The following RERE variants were observed in gnomAD, a reference collection of about 807,000 sequenced individuals.
RERE encodes arginine-glutamic acid dipeptide repeats protein.
RERE carries 40 observed loss-of-function variants against 146.1 expected under a neutral mutation model. The observed-to-expected ratio is 0.27, with a 90% CI of 0.21 to 0.36. RERE has a LOEUF of 0.36. Among genes scored for constraint, RERE ranks in the 10% least tolerant of loss-of-function variants. RERE has a pLI of 1.00. For synonymous variants in RERE, 1,003 were observed against 866.0 expected (o/e 1.16, Z -2.78); for missense variants, 1,933 against 2,138.7 (o/e 0.90, Z 1.90).
chr1:8,502,033 G>A (rs1645172264), intron 8 of RERE, among the ~76,000 whole-genome samples: 2 of 105,012 alleles, frequency 1.9e-5, no homozygotes, highest in African/African-American at 7.0e-5. Context: ...CGGGAGGGAG[G>A]TGGGGGGGGT....
chr1:8,656,685 C>T (rs1188321742), intron 1 of RERE, among the ~76,000 whole-genome samples: 3 of 152,164 alleles, frequency 2.0e-5, no homozygotes, highest in Non-Finnish European at 4.4e-5. Context: ...ACACTTCCTC[C>T]ACCTTACATG....
At chr1:8,674,906 G>C (rs1446801529) in intron 1 of RERE, among the ~76,000 whole-genome samples, 8 of 152,134 alleles carry the variant, frequency 5.3e-5, no homozygotes, top group Non-Finnish European at 8.8e-5. Flanking sequence ...TACACTACCA[G>C]AGAACATAAA....
At chr1:8,459,062 G>A (rs1238789318) in intron 11 of RERE, among the ~76,000 whole-genome samples, 1 of 152,130 alleles carries the variant, frequency 6.6e-6, no homozygotes, top group Non-Finnish European at 1.5e-5. Context: ...TTAATTTGCT[G>A]TCTCATTTCC....
intron 12 of RERE, among the ~76,000 whole-genome samples, chr1:8,395,078 T>A (rs1344302318): frequency 1.3e-5 from 2 of 152,214 alleles, no homozygotes; most frequent in African/African-American, 2.4e-5. Flanking sequence ...AACTTTCAGA[T>A]AAGGTGTCTA....
intron 8 of RERE, among the ~76,000 whole-genome samples, chr1:8,502,529 C>T (rs1331775481): frequency 2.9e-5 from 4 of 136,300 alleles, no homozygotes; most frequent in East Asian, 2.3e-4. Flanking sequence ...TCTGCCCGGC[C>T]GCCCCTACTG....
At chr1:8,639,857 A>G (rs1647153605) in intron 2 of RERE, among the ~76,000 whole-genome samples, 1 of 152,228 alleles carries the variant, frequency 6.6e-6, no homozygotes, top group Non-Finnish European at 1.5e-5. Flanking sequence ...TTATAATACC[A>G]GCACAATGGG....
At chr1:8,445,049 TATC>T (rs751858603) in intron 11 of RERE, among the ~76,000 whole-genome samples, 34 of 152,230 alleles carry the variant, frequency 2.2e-4, no homozygotes, top group Non-Finnish European at 4.3e-4. Context: ...GTTACATCCT[TATC>T]ATAAAAAAAG....
At chr1:8,414,935 C>T (rs772571370) in intron 12 of RERE, among the ~76,000 whole-genome samples, 5 of 152,132 alleles carry the variant, frequency 3.3e-5, no homozygotes, top group Non-Finnish European at 7.4e-5. Flanking sequence ...CTTTGCTTTA[C>T]TTTTCAAAAC....
intron 3 of RERE, among the ~76,000 whole-genome samples, chr1:8,622,283 C>T (rs1358009678): frequency 6.6e-6 from 1 of 151,990 alleles, no homozygotes; most frequent in Non-Finnish European, 1.5e-5. Flanking sequence ...AAAGGGGGCT[C>T]AAGATCTAAT....
intron 4 of RERE, among the ~76,000 whole-genome samples, chr1:8,558,464 G>A (rs1231766736): frequency 6.6e-6 from 1 of 152,190 alleles, no homozygotes; most frequent in Non-Finnish European, 1.5e-5. Flanking sequence ...CAAGGTGAAT[G>A]CAGTATCATG....
intron 7 of RERE, among the ~76,000 whole-genome samples, chr1:8,510,905 A>G (rs187305277): frequency 1.3e-5 from 2 of 152,272 alleles, no homozygotes; most frequent in East Asian, 3.9e-4. Flanking sequence ...TAATTCCAGA[A>G]AAAACATTCC....
At chr1:8,380,709 A>C (rs542409212) in intron 12 of RERE, 1 of 377,914 alleles carries the variant, frequency 2.6e-6, no homozygotes, top group Admixed American at 3.6e-5. Context: ...ACTTTTCAAC[A>C]CAAGTCAAAA....
chr1:8,423,771 G>C lies in RERE; in HGVS notation c.1204-964C>G. ...GCGCGGGGCTGGGGCCGCCGCTGAC[G>C]GGGGAGGAGGCAGGAGCGCGGCGCG... On this transcript the variant is annotated intron_variant, in intron 11 of 22. Coordinates refer to ENST00000400908, the MANE Select transcript of RERE (RefSeq NM_001042681.2). This position sits in a 1 kb window ranked among gnomAD's most constrained non-coding sequence, Gnocchi z 5.4. 2 of 824,158 alleles carry C rather than the reference G, an allele frequency of 2.4e-6. No homozygotes were observed. The highest frequency in any genetic ancestry group is 5.5e-5 in the South Asian group (1 of 18,270). 51.1% of individuals were successfully genotyped at this position (824,158 alleles called of 1,614,324 possible).
At chr1:8,529,936 G>C (rs1443431615) in intron 7 of RERE, among the ~76,000 whole-genome samples, 1 of 152,152 alleles carries the variant, frequency 6.6e-6, no homozygotes, top group African/African-American at 2.4e-5. Context: ...CAGTGCTTAA[G>C]GGCATCCCAG....
intron 2 of RERE, among the ~76,000 whole-genome samples, chr1:8,652,205 A>G (rs974338154): frequency 4.6e-5 from 7 of 152,090 alleles, no homozygotes; most frequent in African/African-American, 1.4e-4. Flanking sequence ...CACTCAAGCA[A>G]AAGGGTGCCT....
At chr1:8,732,653 G>T (rs1247312511) in intron 1 of RERE, among the ~76,000 whole-genome samples, 1 of 152,044 alleles carries the variant, frequency 6.6e-6, no homozygotes, top group African/African-American at 2.4e-5. Context: ...TTAAACTGTA[G>T]ACTTCAGTTA....
chr1:8,458,209 C>T (rs1482638868), intron 11 of RERE, among the ~76,000 whole-genome samples: 1 of 152,106 alleles, frequency 6.6e-6, no homozygotes, highest in Non-Finnish European at 1.5e-5. Context: ...AGAACAAATG[C>T]AATCTCTCAA....
At chr1:8,468,050 A>G (rs1313638110) in intron 10 of RERE, among the ~76,000 whole-genome samples, 2 of 152,330 alleles carry the variant, frequency 1.3e-5, no homozygotes, top group African/African-American at 2.4e-5. Context: ...TTAAATCAAG[A>G]CTGGGAAGTC....
intron 11 of RERE, among the ~76,000 whole-genome samples, chr1:8,458,875 G>A (rs1644487765): frequency 6.6e-6 from 1 of 152,190 alleles, no homozygotes; most frequent in South Asian, 2.1e-4. Context: ...ATGAACTACT[G>A]AAATACATTT....
Sources: allele counts gnomAD v4.1 joint callset (sites outside exome capture counted in the v4.1 genomes callset), GRCh38; gene constraint gnomAD v4.1.1; non-coding constraint Gnocchi (gnomAD v3.1); transcripts MANE v1.5; gene names NCBI Gene and HGNC (gene_info 2026-07-23, HGNC 2026-07-21).